Variants in KCTD8 observed in about 807,000 individuals in gnomAD.
KCTD8 encodes BTB/POZ domain-containing protein KCTD8.
KCTD8 carries 27 observed loss-of-function variants against 31.5 expected under a neutral mutation model. That is an observed-to-expected ratio of 0.86 (90% CI 0.63 to 1.18). KCTD8 has a LOEUF of 1.18. Ranked by LOEUF, KCTD8 falls within the 50% of genes most tolerant of loss-of-function variation. The probability of loss-of-function intolerance (pLI) is 0.00; values close to 1 mark genes in which losing one functional copy is unlikely to be tolerated. For missense variants in KCTD8, 658 were observed against 647.7 expected (o/e 1.02, Z -0.17); for synonymous variants, 290 against 280.0 (o/e 1.04, Z -0.36).
At chr4:44,330,379 A>G (rs1718565470) in intron 1 of KCTD8, among the ~76,000 whole-genome samples, 1 of 151,776 alleles carries the variant, frequency 6.6e-6, no homozygotes, top group Non-Finnish European at 1.5e-5. Context: ...CTGAGCCCAA[A>G]TTTCTCTTCT....
chr4:44,194,068 C>T (rs931838404), intron 1 of KCTD8, among the ~76,000 whole-genome samples: 23 of 152,012 alleles, frequency 1.5e-4, no homozygotes, highest in Non-Finnish European at 2.6e-4. Context: ...TGTCAGGTAC[C>T]ATAATTTCCA....
At chr4:44,293,656 A>G in intron 1 of KCTD8, 1 of 353,088 alleles carries the variant, frequency 2.8e-6, no homozygotes, top group Non-Finnish European at 5.5e-6. Flanking sequence ...TAGGTTGGTT[A>G]GTATTTTAAT....
chr4:44,358,316 T>C (rs1035206154), intron 1 of KCTD8, among the ~76,000 whole-genome samples: 1 of 152,168 alleles, frequency 6.6e-6, no homozygotes, highest in African/African-American at 2.4e-5. Context: ...TTTGGGTTGG[T>C]TCCAAGTCTT....
intron 1 of KCTD8, among the ~76,000 whole-genome samples, chr4:44,349,850 TA>T (rs1355226379): frequency 6.6e-6 from 1 of 152,172 alleles, no homozygotes. Flanking sequence ...TAAAGCAAGT[TA>T]AAAATTTTTA....
At chr4:44,277,814 C>A (rs995057957) in intron 1 of KCTD8, among the ~76,000 whole-genome samples, 2 of 151,838 alleles carry the variant, frequency 1.3e-5, no homozygotes, top group Non-Finnish European at 2.9e-5. Flanking sequence ...AATCATCCAA[C>A]CAGTAAGTTG....
intron 1 of KCTD8, among the ~76,000 whole-genome samples, chr4:44,228,513 G>A (rs1163528127): frequency 6.6e-6 from 1 of 152,182 alleles, no homozygotes; most frequent in Non-Finnish European, 1.5e-5. Flanking sequence ...ATATATGCAA[G>A]CCATATGGCT....
At chr4:44,447,125 G>A (rs1006646682) in intron 1 of KCTD8, among the ~76,000 whole-genome samples, 2 of 152,212 alleles carry the variant, frequency 1.3e-5, no homozygotes, top group Non-Finnish European at 2.9e-5. Flanking sequence ...ATGGCATCCT[G>A]CCCTCTGCAG....
chr4:44,366,441 C>A (rs1257949183), intron 1 of KCTD8, among the ~76,000 whole-genome samples: 1 of 152,154 alleles, frequency 6.6e-6, no homozygotes, highest in Non-Finnish European at 1.5e-5. Flanking sequence ...TCTCTATTTT[C>A]TGCTGCCATG....
intron 1 of KCTD8, among the ~76,000 whole-genome samples, chr4:44,199,446 C>T (rs141423231): frequency 2.6e-5 from 4 of 152,136 alleles, no homozygotes; most frequent in South Asian, 4.1e-4. Context: ...TGAAATCATA[C>T]CAAGCATACC....
intron 1 of KCTD8, among the ~76,000 whole-genome samples, chr4:44,220,452 C>T (rs1450433531): frequency 1.3e-5 from 2 of 152,180 alleles, no homozygotes; most frequent in Admixed American, 1.3e-4. Flanking sequence ...TCCTCTAAAT[C>T]TGATCGTATC....
intron 1 of KCTD8, among the ~76,000 whole-genome samples, chr4:44,409,357 T>G (rs1720897652): frequency 1.3e-5 from 2 of 152,076 alleles, no homozygotes. Flanking sequence ...AATCTGTGGC[T>G]TTTTCAAGAC....
At chr4:44,323,505 C>CG (rs1457987715) in intron 1 of KCTD8, among the ~76,000 whole-genome samples, 1 of 132,658 alleles carries the variant, frequency 7.5e-6, no homozygotes, top group African/African-American at 2.8e-5. Context: ...CACCCACCCC[C>CG]CCCCAAAAAA....
At chr4:44,228,243 G>A (rs912814046) in intron 1 of KCTD8, among the ~76,000 whole-genome samples, 2 of 152,088 alleles carry the variant, frequency 1.3e-5, no homozygotes, top group Admixed American at 6.5e-5. Flanking sequence ...GTTCTTCTGA[G>A]GCTTCTCTCC....
chr4:44,404,758 A>C (rs1233700933), intron 1 of KCTD8, among the ~76,000 whole-genome samples: 1 of 152,214 alleles, frequency 6.6e-6, no homozygotes, highest in Admixed American at 6.5e-5. Context: ...TAACTTATTC[A>C]TTCAGATTAC....
chr4:44,284,640 G>C (rs1252533128), intron 1 of KCTD8, among the ~76,000 whole-genome samples: 1 of 152,148 alleles, frequency 6.6e-6, no homozygotes, highest in East Asian at 1.9e-4. Context: ...TTAAACTAAA[G>C]AGCTTCTGCA....
At chr4:44,338,876 A>C (rs1050169527) in intron 1 of KCTD8, among the ~76,000 whole-genome samples, 2 of 152,106 alleles carry the variant, frequency 1.3e-5, no homozygotes, top group Non-Finnish European at 2.9e-5. Flanking sequence ...TAATAGAAAA[A>C]AGCTCTCTTC....
intron 1 of KCTD8, among the ~76,000 whole-genome samples, chr4:44,396,145 T>C (rs1399096533): frequency 6.6e-6 from 1 of 152,046 alleles, no homozygotes; most frequent in African/African-American, 2.4e-5. Context: ...AAGATTCTCA[T>C]AAGGAGCATG....
At chr4:44,310,733 T>C (rs964417141) in intron 1 of KCTD8, among the ~76,000 whole-genome samples, 17 of 152,156 alleles carry the variant, frequency 1.1e-4, no homozygotes, top group Admixed American at 5.9e-4. Context: ...GATTAAAAGT[T>C]TGTGTTTTAA....
intron 1 of KCTD8, among the ~76,000 whole-genome samples, chr4:44,195,937 C>G (rs1439604586): frequency 6.6e-6 from 1 of 151,936 alleles, no homozygotes; most frequent in East Asian, 1.9e-4. Flanking sequence ...CATACATAGT[C>G]AAATAGTTAA....
Sources: gnomAD v4.1 joint callset for allele counts (sites outside exome capture counted in the v4.1 genomes callset) on GRCh38, gnomAD v4.1.1 for gene constraint, MANE v1.5 for transcripts, NCBI Gene and HGNC (gene_info 2026-07-23, HGNC 2026-07-21) for gene names.